Variants in SLC24A2 observed in about 807,000 individuals in gnomAD.
The protein encoded by SLC24A2 is solute carrier family 24 member 2.
In SLC24A2, 36 loss-of-function variants were observed where a neutral mutation model predicts 62.0. That is an observed-to-expected ratio of 0.58 (90% confidence interval 0.44 to 0.77). SLC24A2 has a LOEUF of 0.77. SLC24A2 is among the 30% of genes least tolerant of loss of function. SLC24A2 has a pLI of 0.00. For missense variants in SLC24A2, 846 were observed against 817.9 expected, an observed-to-expected ratio of 1.03 and a Z score of -0.42; for synonymous variants, 358 against 294.0, an observed-to-expected ratio of 1.22 and a Z score of -2.23.
Position 19,786,975 on chromosome 9 carries a change from C to T in SLC24A2, c.-109G>A. On this transcript the variant is annotated 5_prime_UTR_variant, in exon 2 of 11. The change creates a new upstream start codon in the 5' untranslated region. Coordinates refer to ENST00000341998, the MANE Select transcript of SLC24A2 (RefSeq NM_020344.4). This position sits in a 1 kb window ranked among gnomAD's most constrained non-coding sequence, Gnocchi z 5.0. Reference sequence around the variant, plus strand: ...TAACGATGCTTGTGGGGTACTTTCACAATCAGGGATTGTTATGCTTCACAG... The same window carrying T: ...TAACGATGCTTGTGGGGTACTTTCATAATCAGGGATTGTTATGCTTCACAG... The T allele has an allele frequency of 6.7e-7, 1 of 1,492,938 alleles. No individual in the cohort carries two copies. The highest frequency in any genetic ancestry group is 8.9e-7 in the Non-Finnish European group (1 of 1,126,390). 92.5% of individuals were successfully genotyped at this position (1,492,938 alleles called of 1,614,324 possible). A position where few individuals can be genotyped will look rare whatever the true frequency, so the allele number is the denominator to read the frequency against.
chr9:19,600,194 G>A (rs1055562977), intron 4 of SLC24A2, among the ~76,000 whole-genome samples: 3 of 152,186 alleles, frequency 2.0e-5, no homozygotes, highest in Non-Finnish European at 4.4e-5. Context: ...TGTGGTCGGT[G>A]TTTGAGATGA....
At chr9:19,949,751 G>A in the SLC24A2 span, among the ~76,000 whole-genome samples, 5 of 152,190 alleles carry the variant, frequency 3.3e-5, no homozygotes, top group African/African-American at 1.2e-4. Context: ...CATGGTGGTG[G>A]TTCATTACTG....
chr9:19,746,239 T>C (rs1821830285), intron 2 of SLC24A2, among the ~76,000 whole-genome samples: 2 of 152,070 alleles, frequency 1.3e-5, no homozygotes, highest in South Asian at 2.1e-4. Flanking sequence ...GATGGGACCA[T>C]AAATAAGAAA....
chr9:19,552,561 C>G (rs898454698), intron 7 of SLC24A2, among the ~76,000 whole-genome samples: 1 of 152,006 alleles, frequency 6.6e-6, no homozygotes, highest in Non-Finnish European at 1.5e-5. Context: ...CCTGAAGACC[C>G]ATCAAGCTGA....
intron 2 of SLC24A2, among the ~76,000 whole-genome samples, chr9:19,633,205 A>T (rs1386131784): frequency 6.6e-6 from 1 of 152,188 alleles, no homozygotes; most frequent in Non-Finnish European, 1.5e-5. Flanking sequence ...TGCATGTTGA[A>T]AGGCATTTTG....
At chr9:20,164,373 AC>A in the SLC24A2 span, among the ~76,000 whole-genome samples, 1 of 152,330 alleles carries the variant, frequency 6.6e-6, no homozygotes, top group South Asian at 2.1e-4. Context: ...CGAAAAAAAC[AC>A]ATGAAAAAAT....
chr9:20,286,430 A>G, the SLC24A2 span, among the ~76,000 whole-genome samples: 1 of 152,260 alleles, frequency 6.6e-6, no homozygotes, highest in South Asian at 2.1e-4. Flanking sequence ...TAACAAGAAT[A>G]TAACTCCATA....
chr9:20,079,841 G>C, the SLC24A2 span, among the ~76,000 whole-genome samples: 1 of 152,118 alleles, frequency 6.6e-6, no homozygotes, highest in Non-Finnish European at 1.5e-5. Flanking sequence ...CTGAGACGAT[G>C]GGGTTTTCTA....
chr9:19,954,213 G>T, the SLC24A2 span, among the ~76,000 whole-genome samples: 3 of 151,828 alleles, frequency 2.0e-5, no homozygotes, highest in African/African-American at 7.3e-5. Flanking sequence ...TTATTTTATG[G>T]ATCCTTGTAT....
intron 2 of SLC24A2, among the ~76,000 whole-genome samples, chr9:19,674,567 T>G (rs960892492): frequency 2.0e-5 from 3 of 152,212 alleles, no homozygotes; most frequent in Admixed American, 6.5e-5. Flanking sequence ...TTTTAAAAAA[T>G]TCTTTTTTCT....
the SLC24A2 span, among the ~76,000 whole-genome samples, chr9:19,909,345 G>A: frequency 6.6e-6 from 1 of 152,208 alleles, no homozygotes; most frequent in African/African-American, 2.4e-5. Context: ...GGGACGGGGA[G>A]GGCGGAGGGA....
chr9:20,163,053 C>G, the SLC24A2 span, among the ~76,000 whole-genome samples: 1 of 152,110 alleles, frequency 6.6e-6, no homozygotes, highest in Non-Finnish European at 1.5e-5. Flanking sequence ...TGGAAGCATT[C>G]CCTTTGAAAA....
chr9:19,853,975 A>G, the SLC24A2 span, among the ~76,000 whole-genome samples: 1 of 152,138 alleles, frequency 6.6e-6, no homozygotes, highest in African/African-American at 2.4e-5. Context: ...TACTGCCTCA[A>G]TTTCAGAACT....
intron 9 of SLC24A2, among the ~76,000 whole-genome samples, chr9:19,521,860 T>C (rs1432631569): frequency 7.5e-6 from 1 of 133,920 alleles, no homozygotes; most frequent in Non-Finnish European, 1.6e-5. Context: ...CTATTACTTT[T>C]TTTCTTTTTT....
chr9:19,853,850 C>T, the SLC24A2 span, among the ~76,000 whole-genome samples: 1 of 152,140 alleles, frequency 6.6e-6, no homozygotes, highest in African/African-American at 2.4e-5. Context: ...CTATCCTTTT[C>T]AATTGTTTGG....
At chr9:19,654,030 C>T (rs970783247) in intron 2 of SLC24A2, among the ~76,000 whole-genome samples, 11 of 152,276 alleles carry the variant, frequency 7.2e-5, no homozygotes, top group African/African-American at 4.8e-5. Context: ...ACCGCACTCA[C>T]GATACAGAAC....
At chr9:19,700,140 A>G (rs984965719) in intron 2 of SLC24A2, among the ~76,000 whole-genome samples, 3 of 152,238 alleles carry the variant, frequency 2.0e-5, no homozygotes. Context: ...TGAGACATAG[A>G]TAAGACAGAG....
chr9:19,950,204 A>G, the SLC24A2 span, among the ~76,000 whole-genome samples: 1 of 152,236 alleles, frequency 6.6e-6, no homozygotes, highest in Admixed American at 6.5e-5. Flanking sequence ...GGATATTAAT[A>G]ATATCTTCCT....
At chr9:19,617,154 G>A (rs897624483) in intron 4 of SLC24A2, among the ~76,000 whole-genome samples, 1 of 152,242 alleles carries the variant, frequency 6.6e-6, no homozygotes, top group East Asian at 1.9e-4. Flanking sequence ...GTTCCACCTC[G>A]GATCATCAGG....
Sources: allele counts gnomAD v4.1 joint callset (sites outside exome capture counted in the v4.1 genomes callset), GRCh38; gene constraint gnomAD v4.1.1; non-coding constraint Gnocchi (gnomAD v3.1); transcripts MANE v1.5; gene names NCBI Gene and HGNC (gene_info 2026-07-23, HGNC 2026-07-21).